Variants in BRD7 observed in about 807,000 individuals in gnomAD.
BRD7 encodes the protein bromodomain-containing protein 7.
Under a neutral mutation model 82.1 loss-of-function variants are expected in BRD7, and 15 were observed. The observed-to-expected ratio is 0.18, with a 90% confidence interval of 0.12 to 0.28. The LOEUF (loss-of-function observed/expected upper bound fraction) is 0.28. Ranked by LOEUF, BRD7 falls within the 10% of genes least tolerant of loss-of-function variation. The pLI is 1.00. For missense variants in BRD7, 638 were observed against 779.9 expected, an observed-to-expected ratio of 0.82 and a Z score of 2.17; for synonymous variants, 232 against 266.9, an observed-to-expected ratio of 0.87 and a Z score of 1.27.
chr16:50,356,716 A>G (rs1028487941), intron 2 of BRD7, among the ~76,000 whole-genome samples: 20 of 67,912 alleles, frequency 2.9e-4, no homozygotes, highest in African/African-American at 9.8e-4. Context: ...CCTTAGGGGA[A>G]AAAAAAAATA....
At chr16:50,354,943 T>A (rs768100038) in intron 2 of BRD7, 21 bp from the exon 3 acceptor site, 1 of 1,607,824 alleles carries the variant, frequency 6.2e-7, no homozygotes, top group South Asian at 1.1e-5. Context: ...CAAAGGGAGA[T>A]AATTTAGAAA....
At chr16:50,361,773 T>C (rs934394870) in intron 2 of BRD7, 6 of 152,216 alleles carry the variant, frequency 3.9e-5, no homozygotes, top group African/African-American at 7.2e-5. Context: ...ATGCATTCTG[T>C]GTTTAAAAAG....
intron 2 of BRD7, among the ~76,000 whole-genome samples, chr16:50,362,259 T>C (rs1442059096): frequency 6.6e-6 from 1 of 152,220 alleles, no homozygotes; most frequent in Middle Eastern, 3.2e-3. Flanking sequence ...TATTTCCCCA[T>C]GTGCTGTGGG....
rs573683422 is a variant in BRD7 at position 50,354,496 on chromosome 16, G to C, written c.389-14C>G. Reference sequence around the variant, plus strand: ...TCTGTTCTACTTCTAAAGCAAAGAAGAAGGGAAAAGGGTATTTTAAAAAGG... The same window carrying C: ...TCTGTTCTACTTCTAAAGCAAAGAACAAGGGAAAAGGGTATTTTAAAAAGG... On this transcript the variant is annotated splice_polypyrimidine_tract_variant and intron_variant, in intron 3 of 16. Transcript: ENST00000394688. 2.6e-5 allele frequency: 42 copies of C among 1,604,864 alleles called. No homozygotes were observed. The South Asian group carries it at 4.4e-4, about 17-fold the overall frequency.
intron 1 of BRD7, 121 bp from the exon 2 acceptor site, chr16:50,368,419 G>A: frequency 1.8e-6 from 2 of 1,091,356 alleles, no homozygotes; most frequent in Non-Finnish European, 1.3e-6. Context: ...GGCGCTCCGC[G>A]AAGCACCTGT....
In BRD7 at chr16:50,331,284, T is replaced by A. The variant is rs141847974; in HGVS notation, c.1011+2290A>T. 2.6e-3 allele frequency among the ~76,000 whole-genome samples: 400 copies of A among 152,326 alleles called. 3 individuals carry two copies. Among genetic ancestry groups the A allele is most frequent in the African/African-American group, 9.3e-3 (385 of 41,566 alleles). On this transcript the variant is annotated intron_variant, in intron 8 of 16. Coordinates refer to ENST00000394688, the MANE Select transcript of BRD7 (RefSeq NM_013263.5). ...TGCTATTCCTATCAAATTCCCAACA[T>A]CATTCTTCACAGATTCAGAAAAAAC...
intron 12 of BRD7, among the ~76,000 whole-genome samples, chr16:50,322,269 CTA>C (rs1271876811): frequency 6.6e-6 from 1 of 152,126 alleles, no homozygotes; most frequent in Admixed American, 6.5e-5. Flanking sequence ...TGATCAAAAG[CTA>C]TATACATGTT....
intron 2 of BRD7, among the ~76,000 whole-genome samples, chr16:50,367,862 T>C (rs1360363122): frequency 6.6e-6 from 1 of 152,220 alleles, no homozygotes; most frequent in African/African-American, 2.4e-5. Flanking sequence ...AATTTGGACT[T>C]AGCTGCTTCC....
chr16:50,334,952 G>A (rs1426998056), intron 6 of BRD7, 57 bp from the exon 7 acceptor site: 2 of 1,538,626 alleles, frequency 1.3e-6, no homozygotes, highest in Admixed American at 1.9e-5. Flanking sequence ...TTAAAGTAAT[G>A]CATTTTTTTC....
At chr16:50,342,375 G>T (rs547456185) in intron 5 of BRD7, among the ~76,000 whole-genome samples, 2 of 150,744 alleles carry the variant, frequency 1.3e-5, no homozygotes, top group Non-Finnish European at 2.9e-5. Context: ...CAACAGTAAA[G>T]AGCACTAAAC....
At chr16:50,363,586 GAAAATCACTT>G (rs2039009355) in intron 2 of BRD7, among the ~76,000 whole-genome samples, 1 of 152,110 alleles carries the variant, frequency 6.6e-6, no homozygotes, top group Non-Finnish European at 1.5e-5. Context: ...CTCAAAACAA[GAAAATCACTT>G]AACTGAGGCA....
At chr16:50,363,639 G>GTT (rs375525112) in intron 2 of BRD7, among the ~76,000 whole-genome samples, 3 of 63,944 alleles carry the variant, frequency 4.7e-5, no homozygotes, top group Admixed American at 4.3e-4. Context: ...TACGTTGTGT[G>GTT]TTTGTGTGTG....
chr16:50,341,120 T>C lies in BRD7; in HGVS notation c.592-1034A>G, dbSNP rs181831123. Among the ~76,000 whole-genome samples the C allele has an allele frequency of 3.0e-4, 45 of 151,578 alleles. 1 individual carries two copies. The East Asian group carries it at 8.5e-3, about 29-fold the overall frequency. On this transcript the variant is annotated intron_variant, in intron 5 of 16. Transcript: ENST00000394688. ...CTTCAGTTTGGGCCATGACTGTAAA[T>C]ATGCCAGGTCTTGGATCTCTAAGCA...
chr16:50,357,670 A>G (rs1387117327), intron 2 of BRD7, among the ~76,000 whole-genome samples: 1 of 152,212 alleles, frequency 6.6e-6, no homozygotes, highest in Non-Finnish European at 1.5e-5. Flanking sequence ...AACTGGGGCC[A>G]GCAAACTTTT....
At chr16:50,360,759 G>C (rs901439920) in intron 2 of BRD7, among the ~76,000 whole-genome samples, 2 of 152,208 alleles carry the variant, frequency 1.3e-5, no homozygotes, top group African/African-American at 4.8e-5. Context: ...AATATTTGTT[G>C]AATAAAGAAA....
intron 9 of BRD7, among the ~76,000 whole-genome samples, chr16:50,328,145 C>T (rs148553018): frequency 7.2e-4 from 109 of 152,266 alleles, no homozygotes; most frequent in African/African-American, 2.3e-3. Context: ...ATTAAAACAT[C>T]ATTTGAGAAA....
At chr16:50,368,613 T>C in intron 1 of BRD7, 113 bp downstream of exon 1, 2 of 1,077,512 alleles carry the variant, frequency 1.9e-6, no homozygotes, top group Non-Finnish European at 2.5e-6. Context: ...TTCGCCGGCC[T>C]GGGCCTGCCG....
At chr16:50,329,698 A>T (rs1449923387) in intron 8 of BRD7, among the ~76,000 whole-genome samples, 1 of 152,242 alleles carries the variant, frequency 6.6e-6, no homozygotes, top group African/African-American at 2.4e-5. Flanking sequence ...GCCGGCAGCC[A>T]CTGCAGCAAG....
At chr16:50,362,227 G>A (rs749729715) in intron 2 of BRD7, among the ~76,000 whole-genome samples, 2 of 152,142 alleles carry the variant, frequency 1.3e-5, no homozygotes, top group Non-Finnish European at 2.9e-5. Context: ...CTAGAACCCT[G>A]CCTCTGTTAG....
Sources: gnomAD v4.1 joint callset for allele counts (sites outside exome capture counted in the v4.1 genomes callset) on GRCh38, gnomAD v4.1.1 for gene constraint, MANE v1.5 for transcripts, NCBI Gene and HGNC (gene_info 2026-07-23, HGNC 2026-07-21) for gene names.